LPP: variants seen among roughly 807,000 people sequenced by gnomAD.
The protein encoded by LPP is lipoma-preferred partner.
A neutral mutation model predicts 60.4 loss-of-function variants in LPP; 38 were observed. The observed-to-expected ratio is 0.63, with a 90% CI of 0.49 to 0.83. The LOEUF is 0.83. Ranked by LOEUF, LPP falls within the 40% of genes least tolerant of loss-of-function variation. The pLI, the probability that LPP is intolerant of heterozygous loss-of-function variation, is 0.00. For synonymous variants in LPP, 328 were observed against 290.8 expected (o/e 1.13, Z -1.30); for missense variants, 902 against 783.6 (o/e 1.15, Z -1.80).
chr3:188,808,520 T>C (rs879881548), intron 9 of LPP, among the ~76,000 whole-genome samples: 1 of 152,124 alleles, frequency 6.6e-6, no homozygotes, highest in Admixed American at 6.6e-5. Context: ...CTCACTGTTA[T>C]TTTCCTGGGG....
At chr3:188,530,257 C>T (rs1821804106) in intron 6 of LPP, among the ~76,000 whole-genome samples, 1 of 152,210 alleles carries the variant, frequency 6.6e-6, no homozygotes, top group East Asian at 1.9e-4. Flanking sequence ...GTGTTACTGG[C>T]TGCAGTGATT....
At chr3:188,570,366 T>C (rs1164454192) in intron 6 of LPP, among the ~76,000 whole-genome samples, 1 of 152,060 alleles carries the variant, frequency 6.6e-6, no homozygotes, top group Non-Finnish European at 1.5e-5. Flanking sequence ...GAATTGTTTT[T>C]AAAAACTTAG....
chr3:188,344,833 C>T (rs1380337476), intron 3 of LPP, among the ~76,000 whole-genome samples: 1 of 152,268 alleles, frequency 6.6e-6, no homozygotes. Context: ...AAGCTGTTTT[C>T]CTCCACATTT....
intron 4 of LPP, among the ~76,000 whole-genome samples, chr3:188,452,777 A>C (rs1241807045): frequency 6.6e-6 from 1 of 152,210 alleles, no homozygotes; most frequent in Non-Finnish European, 1.5e-5. Flanking sequence ...CCTGGGACTG[A>C]GACTACAACC....
chr3:188,875,325 A>G lies in LPP; in HGVS notation c.*846A>G. The G allele has an allele frequency of 4.6e-6, 1 of 219,248 alleles. No individual in the cohort carries two copies. Among genetic ancestry groups the G allele is most frequent in the Non-Finnish European group, 9.2e-6 (1 of 109,280 alleles). 13.6% of individuals were successfully genotyped at this position (219,248 alleles called of 1,614,324 possible). On this transcript the variant is annotated 3_prime_UTR_variant, in exon 12 of 12. Coordinates refer to ENST00000617246, the MANE Select transcript of LPP (RefSeq NM_001375462.1). The stretch of plus-strand genomic sequence containing the variant: ...GAACATTGTAATACAGACAAACTTG[A>G]TTTCTTCTAGAAGATAACATTTTCA...
At position 188,879,210 on chromosome 3, in the gene LPP, G is replaced by A. The variant is rs1480886281; in HGVS notation, c.*4731G>A. 4.3e-6 allele frequency: 1 copy of A among 231,090 alleles called. No homozygotes were observed. Among genetic ancestry groups the A allele is most frequent in the East Asian group, 6.1e-5 (1 of 16,270 alleles). The allele number at this position is 231,090 out of a possible 1,614,324, so 14.3% of individuals were successfully genotyped here. On this transcript the variant is annotated 3_prime_UTR_variant, in exon 12 of 12. Transcript: ENST00000617246. ...TCAAACCTTAAAAAGTTACCTGACT[G>A]AAGCTACTATGACTTGGTAAGGATT...
intron 5 of LPP, among the ~76,000 whole-genome samples, chr3:188,515,293 C>T (rs373976644): frequency 9.9e-5 from 15 of 152,092 alleles, no homozygotes; most frequent in African/African-American, 3.6e-4. Flanking sequence ...CTCCCCAAGC[C>T]TTGTTCCTCC....
rs1373608812 is a variant in LPP, at chr3:188,666,993, T to A, written c.1114-41274T>A. 2.6e-5 allele frequency among the ~76,000 whole-genome samples: 4 copies of A among 152,308 alleles called. No individual in the cohort carries two copies. The South Asian group carries it at 8.3e-4, about 32-fold the overall frequency. Reference sequence around the variant, plus strand: ...CTGTTTTCTGCACACAGTAAAACAGTGATAAAAGTTATCACTTTCTTAAGA... The same window carrying A: ...CTGTTTTCTGCACACAGTAAAACAGAGATAAAAGTTATCACTTTCTTAAGA... On this transcript the variant is annotated intron_variant, in intron 7 of 11. Transcript: ENST00000617246.
rs373819615 is a variant in LPP at position 188,691,974 on chromosome 3, T to TA, written c.1114-16283dup. On this transcript the variant is annotated intron_variant, in intron 7 of 11. Transcript: ENST00000617246. ...TAAGCTTTTATGTAAAGACAGCACATAAAAAAAAAACCACTTTTCATAACT... is the reference window on the plus strand; with the variant it reads ...TAAGCTTTTATGTAAAGACAGCACATAAAAAAAAAAACCACTTTTCATAACT... Among the ~76,000 whole-genome samples the TA allele has an allele frequency of 2.8e-3, 417 of 148,830 alleles. 2 individuals carry two copies. Among genetic ancestry groups the TA allele is most frequent in the South Asian group, 0.011 (52 of 4,720 alleles).
At chr3:188,858,426 A>C (rs1234841657) in intron 9 of LPP, among the ~76,000 whole-genome samples, 1 of 152,216 alleles carries the variant, frequency 6.6e-6, no homozygotes, top group African/African-American at 2.4e-5. Flanking sequence ...TATGCATTTT[A>C]AAGTAAAATA....
intron 5 of LPP, among the ~76,000 whole-genome samples, chr3:188,496,546 G>A (rs981047255): frequency 6.6e-6 from 1 of 152,212 alleles, no homozygotes; most frequent in African/African-American, 2.4e-5. Context: ...AGGCTCTGGG[G>A]CTCTGAGGTT....
intron 5 of LPP, among the ~76,000 whole-genome samples, chr3:188,513,140 A>G (rs1053226396): frequency 6.6e-6 from 1 of 152,234 alleles, no homozygotes; most frequent in African/African-American, 2.4e-5. Context: ...AGATGATCTT[A>G]TGGATATCTT....
At chr3:188,462,581 TATATGC>T (rs1560436437) in intron 4 of LPP, among the ~76,000 whole-genome samples, 42 of 52,340 alleles carry the variant, frequency 8.0e-4, no homozygotes, top group Admixed American at 1.3e-3. Flanking sequence ...TATATATATA[TATATGC>T]ATGTGTGTGT....
chr3:188,791,062 C>T (rs1004178638), intron 9 of LPP, among the ~76,000 whole-genome samples: 1 of 152,096 alleles, frequency 6.6e-6, no homozygotes, highest in Non-Finnish European at 1.5e-5. Flanking sequence ...GATGGACAAG[C>T]GGGTGACTTA....
chr3:188,590,853 C>G (rs1838545442), intron 6 of LPP, among the ~76,000 whole-genome samples: 1 of 152,156 alleles, frequency 6.6e-6, no homozygotes, highest in African/African-American at 2.4e-5. Context: ...TTATGAGGTT[C>G]AGCACCACTG....
chr3:188,725,166 A>G (rs1228008138), intron 8 of LPP: 1 of 152,112 alleles, frequency 6.6e-6, no homozygotes, highest in African/African-American at 2.4e-5. Context: ...TCTAAAGAAA[A>G]GTTTCGTTGT....
At chr3:188,441,786 A>G (rs1188452052) in intron 4 of LPP, among the ~76,000 whole-genome samples, 3 of 150,106 alleles carry the variant, frequency 2.0e-5, no homozygotes, top group African/African-American at 4.9e-5. Flanking sequence ...ACGCCCGGCT[A>G]ATTTTGTTTT....
intron 4 of LPP, among the ~76,000 whole-genome samples, chr3:188,434,740 G>A (rs969089686): frequency 1.9e-4 from 29 of 152,164 alleles, no homozygotes; most frequent in African/African-American, 6.3e-4. Flanking sequence ...ACTTGGTTGC[G>A]CTTGATGGCA....
intron 11 of LPP, among the ~76,000 whole-genome samples, chr3:188,873,279 T>C (rs1270804048): frequency 6.6e-6 from 1 of 152,196 alleles, no homozygotes; most frequent in Non-Finnish European, 1.5e-5. Context: ...GCTATTGTGT[T>C]CTGGATACCC....
Sources: gnomAD v4.1 joint callset for allele counts (sites outside exome capture counted in the v4.1 genomes callset) on GRCh38, gnomAD v4.1.1 for gene constraint, MANE v1.5 for transcripts, NCBI Gene and HGNC (gene_info 2026-07-23, HGNC 2026-07-21) for gene names.